The following MAPKAPK3 variants were observed in gnomAD, a reference collection of about 807,000 sequenced individuals.
The protein encoded by MAPKAPK3 is MAPK activated protein kinase 3.
A neutral mutation model predicts 49.2 loss-of-function variants in MAPKAPK3; 35 were observed. The observed-to-expected ratio is 0.71, with a 90% confidence interval of 0.54 to 0.94. The LOEUF (loss-of-function observed/expected upper bound fraction) is 0.94. Among genes scored for constraint, MAPKAPK3 ranks in the 40% least tolerant of loss-of-function variants. The pLI is 0.00. For missense variants in MAPKAPK3, 398 were observed against 493.1 expected (o/e 0.81, Z 1.83); for synonymous variants, 178 against 188.7 (o/e 0.94, Z 0.46).
At position 50,636,044 on chromosome 3, in the gene MAPKAPK3, A is replaced by G. The variant is rs1559487343; in HGVS notation, c.220-4322A>G. 2.6e-5 allele frequency among the ~76,000 whole-genome samples: 4 copies of G among 151,452 alleles called. No homozygotes were observed. In the South Asian group the frequency reaches 8.3e-4, roughly 32 times the overall value. Reference sequence around the variant, plus strand: ...GGAGAATCATTGAGCCCAGGAGATCAAGGCTGCAGTGAGCTGTGACTGTGT... The same window carrying G: ...GGAGAATCATTGAGCCCAGGAGATCGAGGCTGCAGTGAGCTGTGACTGTGT... On this transcript the variant is annotated intron_variant, in intron 2 of 10. Transcript: ENST00000621469.
At chr3:50,634,453 C>T (rs1299597205) in intron 2 of MAPKAPK3, among the ~76,000 whole-genome samples, 3 of 151,818 alleles carry the variant, frequency 2.0e-5, no homozygotes, top group African/African-American at 4.8e-5. Flanking sequence ...GGGTGGGGGC[C>T]CGTTGGGTTG....
At chr3:50,642,158 G>A (rs1231396251) in intron 4 of MAPKAPK3, 95 bp from the exon 5 acceptor site, 4 of 827,452 alleles carry the variant, frequency 4.8e-6, no homozygotes, top group Non-Finnish European at 6.3e-6. Flanking sequence ...TTCTTGTCTT[G>A]TGCTGGCCTG....
chr3:50,624,988 G>A (rs888324123), intron 2 of MAPKAPK3, among the ~76,000 whole-genome samples: 19 of 152,182 alleles, frequency 1.2e-4, no homozygotes, highest in Non-Finnish European at 2.1e-4. Context: ...CATCTTGTGT[G>A]GTCCCAGATG....
rs1205843411 is a variant in MAPKAPK3, at chr3:50,647,936, G to T, written c.1039G>T (p.Asp347Tyr). 13 of 1,613,980 alleles carry T rather than the reference G, an allele frequency of 8.1e-6. No homozygotes were observed. The highest frequency in any genetic ancestry group is 1.1e-5 in the Non-Finnish European group (13 of 1,179,996). The change falls in exon 11 of 11, where the codon GAC (aspartate) becomes TAC (tyrosine). Residue 347 changes from aspartate to tyrosine, a missense_variant. This residue lies in a region of MAPKAPK3 where 152 missense variants were observed against 177.3 expected (regional missense o/e 0.86). Transcript: ENST00000621469. The stretch of plus-strand genomic sequence containing the variant: ...CTTGGCCACTATGCGGGTAGACTAC[G>T]ACCAGGTGAAGATCAAGGACCTGAA... ...SALATMRVDYDQVKIKDLKTS... is the reference protein window; with the variant it reads ...SALATMRVDYYQVKIKDLKTS...
In MAPKAPK3 at chr3:50,619,135, G is replaced by A. The variant is rs528029102; in HGVS notation, c.219+1351G>A. On this transcript the variant is annotated intron_variant, in intron 2 of 10. Transcript: ENST00000621469. ...GCATCTATTCATGGGGAAAGATAAG[G>A]AGTTGTTGTGAACATGAAATGAGAT... Among the ~76,000 whole-genome samples, 7 of 152,338 alleles carry A rather than the reference G, an allele frequency of 4.6e-5. No homozygotes were observed. In the South Asian group the frequency reaches 1.5e-3, roughly 32 times the overall value.
At chr3:50,628,433 T>C (rs1272006365) in intron 2 of MAPKAPK3, among the ~76,000 whole-genome samples, 4 of 152,234 alleles carry the variant, frequency 2.6e-5, no homozygotes, top group Admixed American at 2.6e-4. Flanking sequence ...AAAACACTTG[T>C]GTTTGCTAAA....
intron 2 of MAPKAPK3, among the ~76,000 whole-genome samples, chr3:50,632,937 G>A (rs1204511526): frequency 1.3e-5 from 2 of 152,234 alleles, no homozygotes; most frequent in African/African-American, 4.8e-5. Flanking sequence ...TGGATAGGGG[G>A]CCCTTCCTGG....
chr3:50,622,039 G>C (rs2032622654), intron 2 of MAPKAPK3, among the ~76,000 whole-genome samples: 1 of 152,222 alleles, frequency 6.6e-6, no homozygotes, highest in African/African-American at 2.4e-5. Context: ...TCTTCCTTCT[G>C]GTTCCCAGGA....
chr3:50,639,304 C>G (rs1380807173), intron 2 of MAPKAPK3, among the ~76,000 whole-genome samples: 1 of 152,198 alleles, frequency 6.6e-6, no homozygotes, highest in Non-Finnish European at 1.5e-5. Flanking sequence ...CTCCACTCAG[C>G]TGTCATCTCC....
intron 2 of MAPKAPK3, among the ~76,000 whole-genome samples, chr3:50,623,709 T>G (rs756472094): frequency 2.0e-5 from 3 of 152,224 alleles, no homozygotes; most frequent in Non-Finnish European, 4.4e-5. Context: ...AGTGCTCAAC[T>G]AGTGGGTAGC....
intron 2 of MAPKAPK3, among the ~76,000 whole-genome samples, chr3:50,625,399 C>T (rs2032712846): frequency 6.6e-6 from 1 of 152,112 alleles, no homozygotes; most frequent in Admixed American, 6.5e-5. Flanking sequence ...TGGGCTCCTC[C>T]CCACCCTCCT....
In MAPKAPK3 at chr3:50,617,765, G is replaced by A; in HGVS notation, c.200G>A (p.Gly67Glu). 6.2e-7 allele frequency: 1 copy of A among 1,613,476 alleles called. No homozygotes were observed. Among genetic ancestry groups the A allele is most frequent in the Non-Finnish European group, 8.5e-7 (1 of 1,179,908 alleles). The change falls in exon 2 of 11, where the codon GGA (glycine) becomes GAA (glutamate). Residue 67 changes from glycine (G) to glutamate (E), a missense_variant. Coordinates refer to ENST00000621469, the MANE Select transcript of MAPKAPK3 (RefSeq NM_001243925.2). The stretch of plus-strand genomic sequence containing the variant: ...CTGGAGTGCTTCCATCGGCGCACTG[G>A]ACAGAAGTGTGCCCTGAAGGTCAGT... ...KVLECFHRRTGQKCALKLLYD... is the reference protein window; with the variant it reads ...KVLECFHRRTEQKCALKLLYD...
chr3:50,627,594 G>A (rs1208737042), intron 2 of MAPKAPK3, among the ~76,000 whole-genome samples: 2 of 152,140 alleles, frequency 1.3e-5, no homozygotes, highest in South Asian at 2.1e-4. Context: ...CTTACCCTAG[G>A]CAGGCCCAGG....
upstream of MAPKAPK3, chr3:50,612,355 G>C (rs2032356675): frequency 6.6e-6 from 1 of 152,206 alleles, no homozygotes; most frequent in African/African-American, 2.4e-5. Flanking sequence ...CCCCGTGTTG[G>C]GACGGCCGCT....
chr3:50,616,007 C>T (rs912344804), upstream of MAPKAPK3, among the ~76,000 whole-genome samples: 3 of 152,108 alleles, frequency 2.0e-5, no homozygotes, highest in East Asian at 5.8e-4. Context: ...GAGGGGGAGG[C>T]GCTCACTGGG....
At chr3:50,646,851 G>A in intron 9 of MAPKAPK3, 26 bp downstream of exon 9, 1 of 1,610,256 alleles carries the variant, frequency 6.2e-7, no homozygotes, top group Non-Finnish European at 8.5e-7. Context: ...TCCCATGGCA[G>A]GCAGGGTGTC....
chr3:50,630,137 TTGCCTGTTC>T (rs1287660381), intron 2 of MAPKAPK3, among the ~76,000 whole-genome samples: 3 of 152,182 alleles, frequency 2.0e-5, no homozygotes, highest in Admixed American at 6.5e-5. Context: ...CTTCTCCATC[TTGCCTGTTC>T]TGCCAGGTTC....
chr3:50,614,290 T>C (rs2032407866), upstream of MAPKAPK3, among the ~76,000 whole-genome samples: 1 of 152,134 alleles, frequency 6.6e-6, no homozygotes, highest in Non-Finnish European at 1.5e-5. Context: ...ATGCCCTCAC[T>C]AGCCAAATTT....
At chr3:50,631,072 A>G (rs1282666478) in intron 2 of MAPKAPK3, among the ~76,000 whole-genome samples, 1 of 152,212 alleles carries the variant, frequency 6.6e-6, no homozygotes, top group Non-Finnish European at 1.5e-5. Context: ...AGGTAAATGG[A>G]CAGGGTGAGA....
Sources: allele counts gnomAD v4.1 joint callset (sites outside exome capture counted in the v4.1 genomes callset), GRCh38; gene constraint gnomAD v4.1.1; regional missense constraint gnomAD v4.1.1; transcripts MANE v1.5; gene names NCBI Gene and HGNC (gene_info 2026-07-23, HGNC 2026-07-21).